Variants in ANKS1B observed in about 807,000 individuals in gnomAD.
ANKS1B encodes the protein ankyrin repeat and sterile alpha motif domain-containing protein 1B.
Under a neutral mutation model 148.3 loss-of-function variants are expected in ANKS1B, and 36 were observed. The observed-to-expected ratio is 0.24, with a 90% CI of 0.19 to 0.32. The LOEUF (loss-of-function observed/expected upper bound fraction) is 0.32. Ranked by LOEUF, ANKS1B falls within the 10% of genes least tolerant of loss-of-function variation. ANKS1B has a pLI of 1.00. For missense variants in ANKS1B, 1,157 were observed against 1,542.6 expected, an observed-to-expected ratio of 0.75 and a Z score of 4.19; for synonymous variants, 542 against 560.8, an observed-to-expected ratio of 0.97 and a Z score of 0.47.
At chr12:99,794,950 A>G (rs2066071596) in intron 4 of ANKS1B, among the ~76,000 whole-genome samples, 1 of 152,010 alleles carries the variant, frequency 6.6e-6, no homozygotes, top group African/African-American at 2.4e-5. Context: ...ACCCATAAAT[A>G]TATATACCTA....
At chr12:99,380,918 T>C (rs73151149) in intron 12 of ANKS1B, among the ~76,000 whole-genome samples, 19,460 of 152,030 alleles carry the variant, frequency 0.13, 1,347 homozygotes, top group African/African-American at 0.18. Context: ...TTCATGAATT[T>C]ACAATAAAAA....
At chr12:99,624,355 A>G (rs2098088580) in intron 9 of ANKS1B, among the ~76,000 whole-genome samples, 1 of 152,098 alleles carries the variant, frequency 6.6e-6, no homozygotes, top group African/African-American at 2.4e-5. Context: ...CAAAGAGTTT[A>G]TGGCAATATC....
intron 10 of ANKS1B, among the ~76,000 whole-genome samples, chr12:99,457,417 C>T (rs1467303795): frequency 1.3e-5 from 2 of 151,768 alleles, no homozygotes; most frequent in Admixed American, 6.6e-5. Flanking sequence ...CAGAACAGAA[C>T]TTCATGTCTT....
At chr12:99,957,887 T>C (rs2095347446) in intron 1 of ANKS1B, among the ~76,000 whole-genome samples, 1 of 152,236 alleles carries the variant, frequency 6.6e-6, no homozygotes, top group African/African-American at 2.4e-5. Flanking sequence ...ATGCTGTATA[T>C]GTTCTAGGCA....
intron 17 of ANKS1B, among the ~76,000 whole-genome samples, chr12:98,967,647 A>AAGGGGAGGGGAGGGGAGGGGAGGGG (rs2099879479): frequency 2.1e-5 from 2 of 95,020 alleles, no homozygotes; most frequent in African/African-American, 1.1e-4. Flanking sequence ...GAGGGGAGGG[A>AAGGGGAGGGGAGGGGAGGGGAGGGG]AGAGGAGGGG....
At position 99,828,915 on chromosome 12, in the gene ANKS1B, G is replaced by A. The variant is rs539778500; in HGVS notation, c.135-3526C>T. Among the ~76,000 whole-genome samples, 8 of 151,998 alleles carry A rather than the reference G, an allele frequency of 5.3e-5. No homozygotes were observed. In the East Asian group the frequency reaches 5.9e-4, roughly 11 times the overall value. On this transcript the variant is annotated intron_variant, in intron 1 of 26. Coordinates refer to ENST00000683438, the MANE Select transcript of ANKS1B (RefSeq NM_001352186.2). ...GGAGAATCGACTGAACCCAGGAGGC[G>A]GAAGTTGAAGTGAGTCAAGATCGCA...
At chr12:99,929,781 C>G (rs980610370) in intron 1 of ANKS1B, among the ~76,000 whole-genome samples, 1 of 152,084 alleles carries the variant, frequency 6.6e-6, no homozygotes, top group African/African-American at 2.4e-5. Context: ...TTGTTTTTCT[C>G]AGGTTTGTCA....
intron 1 of ANKS1B, among the ~76,000 whole-genome samples, chr12:99,838,515 A>T (rs1007650552): frequency 2.6e-5 from 4 of 151,972 alleles, no homozygotes; most frequent in Admixed American, 2.6e-4. Flanking sequence ...ATTCTTACTG[A>T]TTTGAAGAAG....
At position 98,852,541 on chromosome 12, in the gene ANKS1B, A is replaced by G. The variant is rs1159271740; in HGVS notation, c.2779-20405T>C. Among the ~76,000 whole-genome samples the G allele has an allele frequency of 2.0e-5, 3 of 152,120 alleles. No homozygotes were observed. The East Asian group carries it at 5.8e-4, about 29-fold the overall frequency. ...GTTTAGCCTCTTGGAGTGTTGAGAA[A>G]AAGTGGGCAAGGGAGGACAAAGAAC... On this transcript the variant is annotated intron_variant, in intron 17 of 26. Coordinates refer to ENST00000683438, the MANE Select transcript of ANKS1B (RefSeq NM_001352186.2).
At chr12:99,635,437 G>A (rs1465768693) in intron 9 of ANKS1B, among the ~76,000 whole-genome samples, 4 of 152,018 alleles carry the variant, frequency 2.6e-5, no homozygotes, top group African/African-American at 4.8e-5. Context: ...AAGAAAAATC[G>A]TGTCATATGC....
At chr12:99,363,275 A>C (rs10128864) in intron 12 of ANKS1B, among the ~76,000 whole-genome samples, 20,972 of 152,132 alleles carry the variant, frequency 0.14, 1,575 homozygotes, top group African/African-American at 0.18. Flanking sequence ...GGAAGGGAGA[A>C]ATTATAGAAG....
At chr12:99,375,039 T>G (rs1307085524) in intron 12 of ANKS1B, among the ~76,000 whole-genome samples, 1 of 152,240 alleles carries the variant, frequency 6.6e-6, no homozygotes, top group African/African-American at 2.4e-5. Flanking sequence ...TCAAGTCCAC[T>G]TGGAGTCTAT....
rs116997038 is a variant in ANKS1B at position 99,705,382 on chromosome 12, C to T, written c.1129-50172G>A. Among the ~76,000 whole-genome samples the T allele has an allele frequency of 4.4e-3, 671 of 152,110 alleles. 3 individuals are homozygous for T. Among genetic ancestry groups the T allele is most frequent in the Non-Finnish European group, 7.1e-3 (484 of 67,960 alleles). The stretch of plus-strand genomic sequence containing the variant: ...TTTCCTTAAACAGCCCTAAGAACTT[C>T]CCATTAGGAGCTTAAAAGAGGGATT... On this transcript the variant is annotated intron_variant, in intron 8 of 26. Transcript: ENST00000683438.
chr12:99,326,112 C>T (rs866626460), intron 12 of ANKS1B, among the ~76,000 whole-genome samples: 1 of 151,936 alleles, frequency 6.6e-6, no homozygotes, highest in Admixed American at 6.6e-5. Flanking sequence ...ATTGCTCCCA[C>T]GATTCAATTA....
chr12:99,062,772 A>G (rs143727105), intron 16 of ANKS1B, among the ~76,000 whole-genome samples: 126 of 152,284 alleles, frequency 8.3e-4, no homozygotes, highest in African/African-American at 2.9e-3. Flanking sequence ...CTCAGGGTTG[A>G]GAAGGGTCAG....
chr12:99,486,459 T>C (rs760795064), intron 10 of ANKS1B, among the ~76,000 whole-genome samples: 2,211 of 48,224 alleles, frequency 0.046, 59 homozygotes, highest in South Asian at 0.16. Context: ...CATGTGCTTA[T>C]TTATTTATTT....
chr12:99,198,571 C>A (rs2081668380), intron 14 of ANKS1B, among the ~76,000 whole-genome samples: 1 of 152,150 alleles, frequency 6.6e-6, no homozygotes, highest in Admixed American at 6.5e-5. Context: ...CTTCCTTCTA[C>A]ATCAGTAACT....
intron 8 of ANKS1B, among the ~76,000 whole-genome samples, chr12:99,690,776 A>G (rs2098674969): frequency 6.6e-6 from 1 of 152,120 alleles, no homozygotes. Context: ...GCACAGTGCA[A>G]GCTGTAAGTG....
At chr12:99,375,607 T>G (rs1241094967) in intron 12 of ANKS1B, among the ~76,000 whole-genome samples, 1 of 151,974 alleles carries the variant, frequency 6.6e-6, no homozygotes, top group Non-Finnish European at 1.5e-5. Context: ...AATGTGCAAA[T>G]AATAACTAAT....
Sources: allele counts gnomAD v4.1 joint callset (sites outside exome capture counted in the v4.1 genomes callset), GRCh38; gene constraint gnomAD v4.1.1; transcripts MANE v1.5; gene names NCBI Gene and HGNC (gene_info 2026-07-23, HGNC 2026-07-21).